LNPK: variants seen among roughly 807,000 people sequenced by gnomAD.
LNPK encodes endoplasmic reticulum junction formation protein lunapark.
Under a neutral mutation model 55.2 loss-of-function variants are expected in LNPK, and 29 were observed. That is an observed-to-expected ratio of 0.53 (90% CI 0.39 to 0.72). LNPK has a LOEUF of 0.72. Among genes scored for constraint, LNPK ranks in the 30% least tolerant of loss-of-function variants. LNPK has a pLI of 0.00. For synonymous variants in LNPK, 162 were observed against 168.2 expected (o/e 0.96, Z 0.29); for missense variants, 467 against 494.8 (o/e 0.94, Z 0.53).
At chr2:175,992,614 C>T (rs559748064) in intron 3 of LNPK, among the ~76,000 whole-genome samples, 196 bp from the exon 4 acceptor site, 4 of 152,068 alleles carry the variant, frequency 2.6e-5, no homozygotes, top group African/African-American at 7.2e-5. Flanking sequence ...ATGTATAATG[C>T]TTATTCTAAC....
chr2:175,964,296 C>T (rs913480711), intron 8 of LNPK, 76 bp downstream of exon 8: 3 of 1,243,888 alleles, frequency 2.4e-6, no homozygotes, highest in African/African-American at 3.0e-5. Context: ...TTGCACACCT[C>T]CAACACACTT....
At chr2:175,953,221 T>G (rs970622370) in intron 8 of LNPK, among the ~76,000 whole-genome samples, 4 of 152,098 alleles carry the variant, frequency 2.6e-5, no homozygotes, top group Non-Finnish European at 5.9e-5. Context: ...CTCTTAAATG[T>G]CAATGTTCCC....
intron 4 of LNPK, among the ~76,000 whole-genome samples, chr2:175,984,278 A>G (rs1687308687): frequency 6.6e-6 from 1 of 151,806 alleles, no homozygotes; most frequent in Non-Finnish European, 1.5e-5. Flanking sequence ...TCCTGGGTTC[A>G]TGTGATTCTC....
At chr2:175,932,202 T>C in intron 12 of LNPK, 1 of 455,000 alleles carries the variant, frequency 2.2e-6, no homozygotes, top group South Asian at 1.6e-5. Context: ...GCTTGTCATA[T>C]TAAAGTTTTG....
Position 175,938,314 on chromosome 2 carries a change from A to T in LNPK, c.882T>A (p.Ile294=). ...ATCTCATTGCCCAATAATTCTTACC[A>T]ATGTATTCAAATTCTTCCTTCAAAG... is the stretch of plus-strand genomic sequence containing the variant. ...GMALKEEFEY[I]AFRCAYCFFL... is the part of the protein sequence containing the mutation. Residue 294 remains isoleucine, a splice_region_variant and synonymous_variant, in exon 11 of 13, where the codon ATT becomes ATA. Coordinates refer to ENST00000272748, the MANE Select transcript of LNPK (RefSeq NM_030650.3). The T allele has an allele frequency of 6.4e-7, 1 of 1,563,192 alleles. No individual in the cohort carries two copies. The highest frequency in any genetic ancestry group is 8.8e-7 in the Non-Finnish European group (1 of 1,135,872).
In LNPK at chr2:175,962,890, C is replaced by T. The variant is rs576773353; in HGVS notation, c.493+1482G>A. 1.5e-3 allele frequency among the ~76,000 whole-genome samples: 221 copies of T among 150,330 alleles called. 1 individual carries two copies. Among genetic ancestry groups the T allele is most frequent in the Admixed American group, 5.2e-3 (78 of 15,068 alleles). On this transcript the variant is annotated intron_variant, in intron 8 of 12. Transcript: ENST00000272748. Reference sequence around the variant, plus strand: ...ACAAACAACCCCATCAAAAAGTGGGCGAAGGACATGAACAGACACTTCTCA... The same window carrying T: ...ACAAACAACCCCATCAAAAAGTGGGTGAAGGACATGAACAGACACTTCTCA...
At chr2:175,930,629 C>T (rs58536456) in intron 12 of LNPK, among the ~76,000 whole-genome samples, 34,487 of 128,016 alleles carry the variant, frequency 0.27, 4,164 homozygotes, top group Non-Finnish European at 0.3. Flanking sequence ...TCCAGGCAAC[C>T]CTGTGAGTAA....
At chr2:175,984,239 C>T (rs935185867) in intron 4 of LNPK, among the ~76,000 whole-genome samples, 17 of 151,220 alleles carry the variant, frequency 1.1e-4, no homozygotes, top group South Asian at 1.0e-3. Flanking sequence ...TGCAGTGGGG[C>T]GCGATCTTGA....
At chr2:175,964,642 T>TACAAA in intron 6 of LNPK, 53 bp from the exon 7 acceptor site, 3 of 926,900 alleles carry the variant, frequency 3.2e-6, no homozygotes, top group Non-Finnish European at 3.6e-6. Context: ...ACACTACTTA[T>TACAAA]TTGTATAAGT....
chr2:175,936,930 A>G (rs1684573422), intron 12 of LNPK, among the ~76,000 whole-genome samples: 1 of 152,202 alleles, frequency 6.6e-6, no homozygotes, highest in Non-Finnish European at 1.5e-5. Context: ...AATTTCTACC[A>G]ATTTGTGTGG....
chr2:175,929,409 T>G lies in LNPK; in HGVS notation c.*558A>C, dbSNP rs1684157898. ...CAACGTAGTTACAGTTCTACTTAAC[T>G]GTTCCACTGCATTCTTATTGAGAAT... On this transcript the variant is annotated 3_prime_UTR_variant, in exon 13 of 13. Transcript: ENST00000272748. 1.0e-6 allele frequency: 1 copy of G among 985,806 alleles called. No homozygotes were observed. The highest frequency in any genetic ancestry group is 1.2e-6 in the Non-Finnish European group (1 of 829,946). The allele number at this position is 985,806 out of a possible 1,614,324, so 61.1% of individuals were successfully genotyped here.
chr2:175,984,948 A>C (rs1466619418), intron 4 of LNPK, among the ~76,000 whole-genome samples: 1 of 152,230 alleles, frequency 6.6e-6, no homozygotes, highest in Non-Finnish European at 1.5e-5. Flanking sequence ...CAAGAACTGG[A>C]AACAATGCAA....
At chr2:175,970,666 T>G (rs1271400790) in intron 6 of LNPK, 98 bp downstream of exon 6, 1 of 619,466 alleles carries the variant, frequency 1.6e-6, no homozygotes, top group Admixed American at 4.7e-5. Context: ...AAAAGCATAT[T>G]TCTTCCTTGG....
intron 4 of LNPK, among the ~76,000 whole-genome samples, chr2:175,986,710 A>G (rs1687431602): frequency 6.6e-6 from 1 of 152,132 alleles, no homozygotes; most frequent in South Asian, 2.1e-4. Context: ...TAGATAATGA[A>G]CTGTATTTAA....
intron 9 of LNPK, among the ~76,000 whole-genome samples, chr2:175,940,745 T>C (rs370658846): frequency 6.6e-6 from 1 of 152,216 alleles, no homozygotes; most frequent in South Asian, 2.1e-4. Context: ...ACAATTCTTA[T>C]GACTATGACT....
At chr2:175,944,472 A>C (rs1046555935) in intron 9 of LNPK, among the ~76,000 whole-genome samples, 2 of 152,156 alleles carry the variant, frequency 1.3e-5, no homozygotes, top group African/African-American at 4.8e-5. Flanking sequence ...CTGAAAACTG[A>C]AAGAGAACTA....
At chr2:175,986,770 C>A (rs1270812060) in intron 4 of LNPK, among the ~76,000 whole-genome samples, 1 of 151,732 alleles carries the variant, frequency 6.6e-6, no homozygotes, top group South Asian at 2.1e-4. Flanking sequence ...ACAGTAAGAA[C>A]AGGTAGAAAA....
chr2:175,947,991 T>C (rs1399644784), intron 8 of LNPK, among the ~76,000 whole-genome samples: 1 of 152,166 alleles, frequency 6.6e-6, no homozygotes, highest in Non-Finnish European at 1.5e-5. Flanking sequence ...CTTTTTAAAG[T>C]AATCTTCCTC....
intron 12 of LNPK, among the ~76,000 whole-genome samples, chr2:175,932,609 TAAGATA>T (rs774395931): frequency 3.3e-5 from 5 of 152,182 alleles, no homozygotes; most frequent in Non-Finnish European, 7.4e-5. Context: ...GTAGTCTAAA[TAAGATA>T]GGTATTGATG....
Sources: gnomAD v4.1 joint callset for allele counts (sites outside exome capture counted in the v4.1 genomes callset) on GRCh38, gnomAD v4.1.1 for gene constraint, MANE v1.5 for transcripts, NCBI Gene and HGNC (gene_info 2026-07-23, HGNC 2026-07-21) for gene names.